PSMD8: variants seen among roughly 807,000 people sequenced by gnomAD.
PSMD8 encodes 26S proteasome non-ATPase regulatory subunit 8.
In PSMD8, 30 loss-of-function variants were observed where a neutral mutation model predicts 40.0. That is an observed-to-expected ratio of 0.75 (90% CI 0.56 to 1.02). The LOEUF is 1.02. Ranked by LOEUF, PSMD8 falls within the 50% of genes least tolerant of loss-of-function variation. The pLI is 0.00. For synonymous variants in PSMD8, 208 were observed against 192.5 expected (o/e 1.08, Z -0.67); for missense variants, 461 against 463.9 (o/e 0.99, Z 0.06).
Position 38,376,358 on chromosome 19 carries a change from T to C in PSMD8, c.440T>C (p.Ile147Thr). The part of the protein sequence containing the change: ...TKQQLILARD[I>T]LEIGAQWSIL... The stretch of plus-strand genomic sequence containing the variant: ...CTCACTCTGTCACCCACAGGTGACA[T>C]ACTGGAGATCGGGGCCCAATGGAGC... Residue 147 changes from isoleucine (I) to threonine (T), a missense_variant, in exon 3 of 7, where the codon ATA becomes ACA. Ile to Thr is a moderately conservative substitution (Grantham distance 89). Coordinates refer to ENST00000215071, the MANE Select transcript of PSMD8 (RefSeq NM_002812.5). The C allele has an allele frequency of 3.9e-6, 6 of 1,551,788 alleles. No individual in the cohort carries two copies. The highest frequency in any genetic ancestry group is 5.2e-6 in the Non-Finnish European group (6 of 1,146,744).
chr19:38,376,977 G>C (rs2145126363), intron 3 of PSMD8, among the ~76,000 whole-genome samples: 1 of 152,348 alleles, frequency 6.6e-6, no homozygotes, highest in East Asian at 1.9e-4. Context: ...TATGTCCCTA[G>C]CACTGCCTAC....
intron 1 of PSMD8, 148 bp from the exon 2 acceptor site, chr19:38,376,012 C>T (rs1221562834): frequency 2.5e-5 from 19 of 762,926 alleles, no homozygotes; most frequent in South Asian, 2.3e-4. Flanking sequence ...AGGCCCTGTT[C>T]TGAGTGCTTT....
chr19:38,377,705 C>T (rs1402481913), intron 3 of PSMD8, among the ~76,000 whole-genome samples: 3 of 152,162 alleles, frequency 2.0e-5, no homozygotes, highest in African/African-American at 4.8e-5. Context: ...TCTCGGTGCA[C>T]TGCAACCTCC....
rs1349760238 is a variant in PSMD8, at chr19:38,380,787, TGTGTGGCA to T, written c.703-111_703-104del. On this transcript the variant is annotated intron_variant, in intron 4 of 6. Transcript: ENST00000215071. ...GGGGTACCCAGGGCAGGGGTGTGGC[TGTGTGGCA>T]AAGGGATTACAGGGGCACTAGGAGT... The T allele has an allele frequency of 3.8e-6, 3 of 790,868 alleles. No homozygotes were observed. The African/African-American group carries it at 5.3e-5, about 14-fold the overall frequency. The allele number at this position is 790,868 out of a possible 1,614,324, so 49.0% of individuals were successfully genotyped here.
chr19:38,379,824 A>G (rs1239071314), intron 4 of PSMD8, among the ~76,000 whole-genome samples: 1 of 152,212 alleles, frequency 6.6e-6, no homozygotes. Context: ...AGGGTGAGGA[A>G]CTGGCTTATG....
intron 5 of PSMD8, among the ~76,000 whole-genome samples, chr19:38,381,558 G>T (rs962521717): frequency 4.6e-5 from 7 of 152,182 alleles, no homozygotes; most frequent in Non-Finnish European, 2.9e-5. Context: ...AGGTGCAAAG[G>T]CAAGCCCAGA....
intron 3 of PSMD8, among the ~76,000 whole-genome samples, chr19:38,377,500 C>CT (rs59462018): frequency 0.056 from 7,945 of 142,064 alleles, 354 homozygotes; most frequent in East Asian, 0.14. Context: ...ACTCCAATAA[C>CT]TTTTTTTTTT....
At position 38,382,129 on chromosome 19, in the gene PSMD8, T is replaced by G; in HGVS notation, c.816T>G (p.Ala272=). The G allele has an allele frequency of 6.4e-7, 1 of 1,572,316 alleles. No homozygotes were observed. The highest frequency in any genetic ancestry group is 8.6e-7 in the Non-Finnish European group (1 of 1,159,402). ...CATCTTCCCCCAGGGATGAGATCGC[T>G]GGGTGCATCGAGAAGGCCTACGAGA... is the stretch of plus-strand genomic sequence containing the variant. ...ILLDTIRDEI[A]GCIEKAYEKI... Residue 272 remains alanine (A), a synonymous_variant, in exon 6 of 7, where the codon GCT becomes GCG. Transcript: ENST00000215071.
At chr19:38,382,069 G>C in intron 5 of PSMD8, 48 bp from the exon 6 acceptor site, 4 of 1,390,714 alleles carry the variant, frequency 2.9e-6, no homozygotes, top group Non-Finnish European at 4.0e-6. Context: ...GACAGGTCCT[G>C]GGAGGTTGTT....
intron 5 of PSMD8, among the ~76,000 whole-genome samples, chr19:38,381,610 C>T (rs904543978): frequency 1.3e-5 from 2 of 152,280 alleles, no homozygotes; most frequent in African/African-American, 2.4e-5. Flanking sequence ...CACTACCTAC[C>T]GCATGGCCTA....
In PSMD8 at chr19:38,376,213, A is replaced by G. The variant is rs145865086; in HGVS notation, c.414A>G (p.Lys138=). Residue 138 remains lysine, a synonymous_variant, in exon 2 of 7, where the codon AAA becomes AAG. Transcript: ENST00000215071. ...FLPTTGTKLT[K]QQLILARDIL... is the part of the protein sequence containing the mutation. ...CAACCACAGGGACCAAGCTGACCAA[A>G]CAGCAGCTAATTCTGGCCCGTGAGT... 7 of 1,605,386 alleles carry G rather than the reference A, an allele frequency of 4.4e-6. No individual in the cohort carries two copies. The African/African-American group carries it at 8.0e-5, about 18-fold the overall frequency.
chr19:38,375,594 G>A (rs1218699686), intron 1 of PSMD8: 1 of 176,026 alleles, frequency 5.7e-6, no homozygotes, highest in African/African-American at 2.4e-5. Context: ...TCTGTTGGGA[G>A]AGGGGGCAGC....
chr19:38,376,874 C>T (rs576444905), intron 3 of PSMD8, among the ~76,000 whole-genome samples: 30 of 152,220 alleles, frequency 2.0e-4, no homozygotes, highest in Non-Finnish European at 4.4e-4. Flanking sequence ...TTCCAGCTCA[C>T]ACCCCTCTGC....
chr19:38,374,651 G>A lies in PSMD8; in HGVS notation c.50G>A (p.Arg17Gln). Residue 17 changes from arginine (R) to glutamine (Q), a missense_variant, in exon 1 of 7, where the codon CGG (arginine) becomes CAG (glutamine). Arg to Gln is a conservative substitution (Grantham distance 43). Around this residue, in one of 2 missense-constraint regions of PSMD8, gnomAD observed 225 missense variants for 142.7 expected, o/e 1.58. Coordinates refer to ENST00000215071, the MANE Select transcript of PSMD8 (RefSeq NM_002812.5). ...APRAPPRERR[R>Q]ATRGGLRQVV... ...AGGGCGCCACCTCGAGAGCGACGGC[G>A]GGCTACCCGGGGCGGGCTGAGGCAG... 1.5e-5 allele frequency: 22 copies of A among 1,514,790 alleles called. No homozygotes were observed. The highest frequency in any genetic ancestry group is 1.8e-5 in the Non-Finnish European group (21 of 1,138,674). 93.8% of individuals were successfully genotyped at this position (1,514,790 alleles called of 1,614,324 possible).
rs1600497474 is a variant in PSMD8 at position 38,379,126 on chromosome 19, G to A, written c.537-114G>A. The A allele has an allele frequency of 6.3e-6, 7 of 1,106,972 alleles. No homozygotes were observed. In the East Asian group the frequency reaches 1.8e-4, roughly 29 times the overall value. 68.6% of individuals were successfully genotyped at this position (1,106,972 alleles called of 1,614,324 possible). On this transcript the variant is annotated intron_variant, in intron 3 of 6. Coordinates refer to ENST00000215071, the MANE Select transcript of PSMD8 (RefSeq NM_002812.5). ...TTCCTCATATGAAAACCCAGGACCT[G>A]ATACCTCTTCAGGAAGATGCATGGG...
rs374971969 is a variant in PSMD8 at position 38,379,201 on chromosome 19, A to C, written c.537-39A>C. 3 of 1,602,826 alleles carry C rather than the reference A, an allele frequency of 1.9e-6. No homozygotes were observed. The African/African-American group carries it at 4.0e-5, about 21-fold the overall frequency. On this transcript the variant is annotated intron_variant, in intron 3 of 6. Coordinates refer to ENST00000215071, the MANE Select transcript of PSMD8 (RefSeq NM_002812.5). Reference sequence around the variant, plus strand: ...GGGGTAGAGGGCTCGCTAGGCCCTTAAATCCTCCTTAACCTGCTTCCCCAT... The same window carrying C: ...GGGGTAGAGGGCTCGCTAGGCCCTTCAATCCTCCTTAACCTGCTTCCCCAT...
intron 3 of PSMD8, among the ~76,000 whole-genome samples, chr19:38,377,716 G>A (rs531139991): frequency 6.6e-6 from 1 of 151,764 alleles, no homozygotes; most frequent in East Asian, 2.0e-4. Flanking sequence ...TGCAACCTCC[G>A]CCTCCCAGGT....
At chr19:38,380,837 AG>A (rs768835537) in intron 4 of PSMD8, 61 bp from the exon 5 acceptor site, 5 of 1,307,304 alleles carry the variant, frequency 3.8e-6, no homozygotes, top group Non-Finnish European at 5.3e-6. Context: ...AGGCCCACAC[AG>A]GTAGGCCCCT....
chr19:38,382,121 G>A lies in PSMD8; in HGVS notation c.808G>A (p.Glu270Lys). 6.4e-7 allele frequency: 1 copy of A among 1,565,358 alleles called. No individual in the cohort carries two copies. The highest frequency in any genetic ancestry group is 8.7e-7 in the Non-Finnish European group (1 of 1,155,038). Reference sequence around the variant, plus strand: ...GAGCTTCTCATCTTCCCCCAGGGATGAGATCGCTGGGTGCATCGAGAAGGC... The same window carrying A: ...GAGCTTCTCATCTTCCCCCAGGGATAAGATCGCTGGGTGCATCGAGAAGGC... ...IDILLDTIRD[E>K]IAGCIEKAYE... The change falls in exon 6 of 7, where the codon GAG becomes AAG. Residue 270 changes from glutamate to lysine, a missense_variant. Coordinates refer to ENST00000215071, the MANE Select transcript of PSMD8 (RefSeq NM_002812.5).
Sources: gnomAD v4.1 joint callset for allele counts (sites outside exome capture counted in the v4.1 genomes callset) on GRCh38, gnomAD v4.1.1 for gene constraint, gnomAD v4.1.1 regional missense constraint, MANE v1.5 for transcripts, NCBI Gene and HGNC (gene_info 2026-07-23, HGNC 2026-07-21) for gene names.